The following NTRK3 variants were observed in gnomAD, a reference collection of about 807,000 sequenced individuals.
NTRK3 encodes neurotrophic receptor tyrosine kinase 3, also known as NT-3 growth factor receptor.
In NTRK3, 24 loss-of-function variants were observed where a neutral mutation model predicts 91.7. The observed-to-expected ratio is 0.26, with a 90% CI of 0.19 to 0.37. The LOEUF (loss-of-function observed/expected upper bound fraction) is 0.37. Among genes scored for constraint, NTRK3 ranks in the 10% least tolerant of loss-of-function variants. NTRK3 has a pLI of 1.00. For synonymous variants in NTRK3, 483 were observed against 404.0 expected (o/e 1.20, Z -2.34); for missense variants, 880 against 1,068.9 (o/e 0.82, Z 2.46).
chr15:88,147,334 C>A lies in NTRK3; in HGVS notation c.464+1G>T, dbSNP rs199653024. On this transcript the variant is annotated splice_donor_variant, in intron 6 of 18. Transcript: ENST00000394480. LOFTEE classifies it high-confidence loss of function. ...TGGACAGTCTTCAAAACCAAACTTA[C>A]AATTCCCGAAGACTCAGCGTCTGGA... 6.2e-7 allele frequency: 1 copy of A among 1,613,466 alleles called. No homozygotes were observed. The highest frequency in any genetic ancestry group is 8.5e-7 in the Non-Finnish European group (1 of 1,179,538).
At chr15:88,057,925 A>C (rs1306966481) in intron 13 of NTRK3, among the ~76,000 whole-genome samples, 1 of 152,216 alleles carries the variant, frequency 6.6e-6, no homozygotes, top group African/African-American at 2.4e-5. Context: ...GCCTGCTGCC[A>C]GTATGGGGCT....
intron 14 of NTRK3, among the ~76,000 whole-genome samples, chr15:87,941,661 A>G (rs780325128): frequency 1.4e-4 from 22 of 152,210 alleles, no homozygotes; most frequent in Admixed American, 2.6e-4. Flanking sequence ...TCACAAAAGG[A>G]AAGTTCACTG....
At chr15:88,088,002 G>T (rs996763581) in intron 13 of NTRK3, among the ~76,000 whole-genome samples, 9 of 152,194 alleles carry the variant, frequency 5.9e-5, no homozygotes, top group Non-Finnish European at 8.8e-5. Context: ...AGTGAGCCAA[G>T]ATCACGCCAC....
chr15:88,183,012 AC>A (rs370707792), intron 5 of NTRK3, among the ~76,000 whole-genome samples: 1,637 of 119,924 alleles, frequency 0.014, 10 homozygotes, highest in African/African-American at 0.044. Context: ...TCTTCTTGCA[AC>A]CCCCCCCCGC....
chr15:88,075,290 G>T (rs553582237), intron 13 of NTRK3, among the ~76,000 whole-genome samples: 1 of 152,314 alleles, frequency 6.6e-6, no homozygotes, highest in Non-Finnish European at 1.5e-5. Context: ...TCTGCATGAC[G>T]TCAGCCCCTG....
At chr15:87,901,731 GAGAAAGGA>G (rs1350253776) in intron 17 of NTRK3, among the ~76,000 whole-genome samples, 1 of 150,006 alleles carries the variant, frequency 6.7e-6, no homozygotes, top group Non-Finnish European at 1.5e-5. Flanking sequence ...GCATTGTATT[GAGAAAGGA>G]AGAAAGGAAG....
chr15:88,214,924 T>A (rs1471295458), intron 3 of NTRK3, among the ~76,000 whole-genome samples: 1 of 152,122 alleles, frequency 6.6e-6, no homozygotes, highest in African/African-American at 2.4e-5. Context: ...GTGACAGGTG[T>A]TCAGCAAAGG....
intron 13 of NTRK3, among the ~76,000 whole-genome samples, chr15:88,041,142 T>C (rs188552037): frequency 6.0e-4 from 91 of 152,322 alleles, no homozygotes; most frequent in African/African-American, 1.9e-3. Flanking sequence ...TCCCCTGTGA[T>C]TGGGGCTAAA....
At chr15:88,044,421 C>T (rs1035069291) in intron 13 of NTRK3, among the ~76,000 whole-genome samples, 4 of 151,712 alleles carry the variant, frequency 2.6e-5, no homozygotes, top group African/African-American at 2.4e-5. Flanking sequence ...CCACCATACC[C>T]GGCTAATTTT....
At chr15:87,906,282 G>T (rs1358389222) in intron 17 of NTRK3, among the ~76,000 whole-genome samples, 1 of 152,236 alleles carries the variant, frequency 6.6e-6, no homozygotes, top group Non-Finnish European at 1.5e-5. Context: ...CTATCAAGGT[G>T]CCTGGCTAGA....
chr15:87,950,854 T>C (rs2071041590), intron 14 of NTRK3, among the ~76,000 whole-genome samples: 2 of 152,228 alleles, frequency 1.3e-5, no homozygotes, highest in African/African-American at 4.8e-5. Context: ...ATTAAAGTGC[T>C]TACTGCATGG....
chr15:88,060,277 G>T (rs2046094359), intron 13 of NTRK3, among the ~76,000 whole-genome samples: 2 of 151,964 alleles, frequency 1.3e-5, no homozygotes, highest in South Asian at 4.2e-4. Context: ...CCAGCTACTT[G>T]GGAGGCTGAG....
chr15:88,249,061 G>A (rs1210578860), intron 3 of NTRK3, among the ~76,000 whole-genome samples: 3 of 152,196 alleles, frequency 2.0e-5, no homozygotes, highest in African/African-American at 7.2e-5. Context: ...TAGGAAAAGA[G>A]CAGCTGCCAG....
intron 10 of NTRK3, among the ~76,000 whole-genome samples, chr15:88,133,961 A>G (rs370240523): frequency 1.1e-4 from 17 of 152,356 alleles, no homozygotes; most frequent in African/African-American, 2.6e-4. Context: ...CCTTGCACTG[A>G]CATAAATAAA....
At chr15:88,177,017 G>A (rs974421963) in intron 5 of NTRK3, among the ~76,000 whole-genome samples, 6 of 152,198 alleles carry the variant, frequency 3.9e-5, no homozygotes, top group Non-Finnish European at 7.3e-5. Context: ...AAGATCCAGG[G>A]CAGGGTATCT....
chr15:87,944,402 C>T (rs1192972336), intron 14 of NTRK3, among the ~76,000 whole-genome samples: 1 of 152,244 alleles, frequency 6.6e-6, no homozygotes, highest in Non-Finnish European at 1.5e-5. Context: ...ATGTATTCAA[C>T]ACCTACTGTG....
At chr15:88,065,885 CA>C (rs1249352593) in intron 13 of NTRK3, among the ~76,000 whole-genome samples, 2 of 152,186 alleles carry the variant, frequency 1.3e-5, no homozygotes, top group African/African-American at 4.8e-5. Flanking sequence ...TCATGAATCA[CA>C]TCATCATAAG....
chr15:87,865,902 C>A (rs1016965385), exon 19 of NTRK3: 3 of 229,802 alleles, frequency 1.3e-5, no homozygotes, highest in Non-Finnish European at 2.6e-5. Context: ...GGCAAAACTT[C>A]TAAAAAACAG....
intron 14 of NTRK3, among the ~76,000 whole-genome samples, chr15:87,972,745 T>C (rs2073361742): frequency 6.6e-6 from 1 of 152,178 alleles, no homozygotes; most frequent in Non-Finnish European, 1.5e-5. Flanking sequence ...GTATCTTGGT[T>C]TGAAAGTCCC....
Sources: gnomAD v4.1 joint callset for allele counts (sites outside exome capture counted in the v4.1 genomes callset) on GRCh38, gnomAD v4.1.1 for gene constraint, MANE v1.5 for transcripts, NCBI Gene and HGNC (gene_info 2026-07-23, HGNC 2026-07-21) for gene names.